The following ETV6 variants were observed in gnomAD, a reference collection of about 807,000 sequenced individuals.
The protein encoded by ETV6 is transcription factor ETV6.
A neutral mutation model predicts 51.1 loss-of-function variants in ETV6; 16 were observed. The observed-to-expected ratio is 0.31, with a 90% CI of 0.21 to 0.48. ETV6 has a LOEUF of 0.48. Among genes scored for constraint, ETV6 ranks in the 20% least tolerant of loss-of-function variants. The pLI is 0.99. For missense variants in ETV6, 458 were observed against 594.8 expected (o/e 0.77, Z 2.39); for synonymous variants, 240 against 224.1 (o/e 1.07, Z -0.64).
Position 11,869,273 on chromosome 12 carries a change from G to T in ETV6, c.464-151G>T. 2 of 652,002 alleles carry T rather than the reference G, an allele frequency of 3.1e-6. No homozygotes were observed. Among genetic ancestry groups the T allele is most frequent in the Non-Finnish European group, 5.2e-6 (2 of 386,204 alleles). 40.4% of individuals were successfully genotyped at this position (652,002 alleles called of 1,614,324 possible). On this transcript the variant is annotated intron_variant, in intron 4 of 7. Transcript: ENST00000396373. This position sits in a 1 kb window ranked among gnomAD's most constrained non-coding sequence, Gnocchi z 5.0. ...AAAAAAAATATGCACCCTTCAAATT[G>T]TTAAGCAGTGAAAAAGACACTGCAT...
intron 2 of ETV6, among the ~76,000 whole-genome samples, chr12:11,816,266 A>T (rs117552867): frequency 6.6e-6 from 1 of 152,174 alleles, no homozygotes; most frequent in African/African-American, 2.4e-5. Flanking sequence ...TTGTTGTTTG[A>T]GACGGAGTCT....
chr12:11,814,045 T>C (rs750408426), intron 2 of ETV6, among the ~76,000 whole-genome samples: 1 of 152,218 alleles, frequency 6.6e-6, no homozygotes, highest in Non-Finnish European at 1.5e-5. Flanking sequence ...CCAGTTACGG[T>C]AAAACCTCCA....
intron 1 of ETV6, among the ~76,000 whole-genome samples, chr12:11,669,711 C>T (rs1254107080): frequency 3.3e-5 from 5 of 152,150 alleles, no homozygotes; most frequent in Non-Finnish European, 7.3e-5. Context: ...TGGGGAGCTA[C>T]CATTCATGTT....
At chr12:11,745,098 T>G (rs546906503) in intron 1 of ETV6, among the ~76,000 whole-genome samples, 14 of 152,330 alleles carry the variant, frequency 9.2e-5, no homozygotes, top group African/African-American at 3.1e-4. Flanking sequence ...CCTAGGATCC[T>G]GTGAGGAGGC....
At chr12:11,673,777 A>C (rs1864363890) in intron 1 of ETV6, among the ~76,000 whole-genome samples, 1 of 152,170 alleles carries the variant, frequency 6.6e-6, no homozygotes, top group African/African-American at 2.4e-5. Flanking sequence ...GATCTTGGCC[A>C]GATATTATCT....
chr12:11,851,146 G>C (rs975800891), intron 3 of ETV6, among the ~76,000 whole-genome samples: 3 of 151,778 alleles, frequency 2.0e-5, no homozygotes, highest in Non-Finnish European at 4.4e-5. Flanking sequence ...AGCCCGCCTG[G>C]TTAAGTGAAC....
intron 1 of ETV6, among the ~76,000 whole-genome samples, chr12:11,739,026 C>G (rs1865761251): frequency 6.6e-6 from 1 of 151,946 alleles, no homozygotes; most frequent in Non-Finnish European, 1.5e-5. Flanking sequence ...GCGTCCTGAA[C>G]CAACTTGTTT....
chr12:11,689,813 C>CG (rs1765694679), intron 1 of ETV6, among the ~76,000 whole-genome samples: 1 of 97,196 alleles, frequency 1.0e-5, no homozygotes, highest in Non-Finnish European at 2.0e-5. Context: ...TTTCCCTCCC[C>CG]CCCCCCCCCA....
chr12:11,751,549 C>T (rs1866029098), intron 1 of ETV6: 1 of 485,908 alleles, frequency 2.1e-6, no homozygotes, highest in Non-Finnish European at 4.1e-6. Context: ...GGTTTCTTGC[C>T]ATTATTTGCG....
chr12:11,766,396 T>C (rs1945161055), intron 2 of ETV6, among the ~76,000 whole-genome samples: 1 of 152,202 alleles, frequency 6.6e-6, no homozygotes, highest in Non-Finnish European at 1.5e-5. Flanking sequence ...AAAACAGCTA[T>C]TGAGAGTGCA....
At chr12:11,819,907 C>G (rs1244325204) in intron 2 of ETV6, among the ~76,000 whole-genome samples, 1 of 152,200 alleles carries the variant, frequency 6.6e-6, no homozygotes, top group Admixed American at 6.5e-5. Context: ...GATTATGTTA[C>G]GCCCTTGTTT....
chr12:11,804,665 T>G (rs181835851), intron 2 of ETV6, among the ~76,000 whole-genome samples: 2 of 152,154 alleles, frequency 1.3e-5, no homozygotes, highest in Admixed American at 6.5e-5. Context: ...CTTCCTTCAC[T>G]CTCCATCACC....
chr12:11,742,846 G>T (rs762922682), intron 1 of ETV6, among the ~76,000 whole-genome samples: 5 of 123,830 alleles, frequency 4.0e-5, no homozygotes, highest in Non-Finnish European at 7.9e-5. Context: ...TTGCTCTGTC[G>T]CCCTGGCTGG....
intron 3 of ETV6, 138 bp from the exon 4 acceptor site, chr12:11,853,289 C>T (rs1591721235): frequency 1.1e-6 from 1 of 876,436 alleles, no homozygotes; most frequent in South Asian, 1.6e-5. Flanking sequence ...GCCCCATGAG[C>T]TTGGTGAGGG....
chr12:11,718,707 C>T (rs1865326257), intron 1 of ETV6, among the ~76,000 whole-genome samples: 1 of 151,944 alleles, frequency 6.6e-6, no homozygotes, highest in African/African-American at 2.4e-5. Flanking sequence ...GCCTGGGAGG[C>T]AGCCTGGGCA....
rs769171614 is a variant in ETV6 at position 11,853,492 on chromosome 12, C to A, written c.394C>A (p.Pro132Thr). The part of the protein sequence containing the change: ...KQRKPRILFS[P>T]FFHPGNSIHT... ...GAGGAAACCTCGGATTCTTTTTTCA[C>A]CATTCTTCCACCCTGGAAACTCTAT... The change falls in exon 4 of 8, where the codon CCA becomes ACA. Residue 132 changes from proline (P) to threonine (T), a missense_variant. Transcript: ENST00000396373. The A allele has an allele frequency of 6.2e-7, 1 of 1,614,190 alleles. No individual in the cohort carries two copies. The highest frequency in any genetic ancestry group is 1.7e-5 in the Admixed American group (1 of 60,032).
At chr12:11,683,205 G>A (rs1049576719) in intron 1 of ETV6, among the ~76,000 whole-genome samples, 3 of 152,152 alleles carry the variant, frequency 2.0e-5, no homozygotes, top group African/African-American at 7.2e-5. Flanking sequence ...CACCATGCCT[G>A]GCTGATTTTT....
At chr12:11,711,608 C>T (rs1309979081) in intron 1 of ETV6, among the ~76,000 whole-genome samples, 1 of 152,178 alleles carries the variant, frequency 6.6e-6, no homozygotes, top group Non-Finnish European at 1.5e-5. Context: ...CCATTGTTTT[C>T]TGCGGGAGAT....
intron 5 of ETV6, among the ~76,000 whole-genome samples, chr12:11,884,011 A>C (rs968269780): frequency 6.6e-6 from 1 of 151,768 alleles, no homozygotes; most frequent in Non-Finnish European, 1.5e-5. Flanking sequence ...TCACTCCACT[A>C]TTTTTTACCA....
Sources: allele counts gnomAD v4.1 joint callset (sites outside exome capture counted in the v4.1 genomes callset), GRCh38; gene constraint gnomAD v4.1.1; non-coding constraint Gnocchi (gnomAD v3.1); transcripts MANE v1.5; gene names NCBI Gene and HGNC (gene_info 2026-07-23, HGNC 2026-07-21).